NCAPD2: variants seen among roughly 807,000 people sequenced by gnomAD.
NCAPD2 encodes non-SMC condensin I complex subunit D2.
Under a neutral mutation model 164.5 loss-of-function variants are expected in NCAPD2, and 100 were observed. The observed-to-expected ratio is 0.61, with a 90% confidence interval of 0.52 to 0.72. The LOEUF (loss-of-function observed/expected upper bound fraction) is 0.72, where lower values mean the gene tolerates loss of function less well. Ranked by LOEUF, NCAPD2 falls within the 30% of genes least tolerant of loss-of-function variation. NCAPD2 has a pLI of 0.00. For missense variants in NCAPD2, 1,560 were observed against 1,749.2 expected, an observed-to-expected ratio of 0.89 and a Z score of 1.93; for synonymous variants, 585 against 642.6, an observed-to-expected ratio of 0.91 and a Z score of 1.36.
In NCAPD2 at chr12:6,528,705, G is replaced by A. The variant is rs377720436; in HGVS notation, c.3326G>A (p.Arg1109Gln). 8 of 1,613,294 alleles carry A rather than the reference G, an allele frequency of 5.0e-6. No individual in the cohort carries two copies. Among genetic ancestry groups the A allele is most frequent in the African/African-American group, 2.7e-5 (2 of 74,888 alleles). The change falls in exon 26 of 32, where the codon CGG becomes CAG. Residue 1109 changes from arginine (R) to glutamine (Q), a missense_variant. Transcript: ENST00000315579. This position sits in a 1 kb window ranked among gnomAD's most constrained non-coding sequence, Gnocchi z 5.1. Reference protein sequence around the residue: ...ARLRDPAQQVRKTAGLVMTHL... With the variant: ...ARLRDPAQQVQKTAGLVMTHL... ...CTCCGGGACCCTGCTCAGCAAGTGCGGAAAACAGCGGGGCTGGTGATGACC... is the reference window on the plus strand; with the variant it reads ...CTCCGGGACCCTGCTCAGCAAGTGCAGAAAACAGCGGGGCTGGTGATGACC...
intron 13 of NCAPD2, among the ~76,000 whole-genome samples, chr12:6,518,509 T>TTTTTTTTG (rs1946229286): frequency 8.4e-5 from 8 of 95,644 alleles, no homozygotes; most frequent in African/African-American, 3.7e-4. Flanking sequence ...AACAAGTTTT[T>TTTTTTTTG]TTTTTTTTTT....
At chr12:6,498,048 T>C (rs1177349318) in intron 2 of NCAPD2, among the ~76,000 whole-genome samples, 1 of 152,090 alleles carries the variant, frequency 6.6e-6, no homozygotes, top group Non-Finnish European at 1.5e-5. Context: ...TAGCTGGGAC[T>C]ACAGGCATGT....
At chr12:6,517,069 A>ATG in intron 10 of NCAPD2, 44 bp downstream of exon 10, 1 of 1,591,350 alleles carries the variant, frequency 6.3e-7, no homozygotes, top group Non-Finnish European at 8.6e-7. Context: ...ACCTCTCCAT[A>ATG]TACCAGTGTA....
chr12:6,531,852 T>C lies in NCAPD2; in HGVS notation c.*440T>C, dbSNP rs1230038137. ...ACGCTCTTTAAAATGCAAGGCTTTCTCTTAAATTAGCCTAACTGAACTGCG... is the reference window on the plus strand; with the variant it reads ...ACGCTCTTTAAAATGCAAGGCTTTCCCTTAAATTAGCCTAACTGAACTGCG... On this transcript the variant is annotated 3_prime_UTR_variant, in exon 32 of 32. Coordinates refer to ENST00000315579, the MANE Select transcript of NCAPD2 (RefSeq NM_014865.4). The surrounding 1 kb of genome is among the most constrained non-coding windows in gnomAD (Gnocchi z 4.1). 1 of 204,452 alleles carries C rather than the reference T, an allele frequency of 4.9e-6. No individual in the cohort carries two copies. The highest frequency in any genetic ancestry group is 1.0e-5 in the Non-Finnish European group (1 of 98,240). 12.7% of individuals were successfully genotyped at this position (204,452 alleles called of 1,614,324 possible). A position where few individuals can be genotyped will look rare whatever the true frequency, so the allele number is the denominator to read the frequency against.
At chr12:6,506,299 T>C (rs1265271493) in intron 2 of NCAPD2, among the ~76,000 whole-genome samples, 1 of 151,958 alleles carries the variant, frequency 6.6e-6, no homozygotes, top group Middle Eastern at 3.2e-3. Context: ...AATAGACATA[T>C]ATATTTGGCC....
At chr12:6,516,701 G>A in intron 9 of NCAPD2, 127 bp from the exon 10 acceptor site, 2 of 896,696 alleles carry the variant, frequency 2.2e-6, no homozygotes, top group Non-Finnish European at 3.4e-6. Context: ...AGTCCTCTTT[G>A]GGATTCAGCT....
rs147017010 is a variant in NCAPD2, at chr12:6,507,330, T to C, written c.128-2387T>C. 5.1e-4 allele frequency among the ~76,000 whole-genome samples: 77 copies of C among 152,306 alleles called. 1 individual carries two copies. The highest frequency in any genetic ancestry group is 1.8e-3 in the African/African-American group (74 of 41,550). ...AAGGGAGGCTGGGTGCAGTGGCCCA[T>C]GCCTTTAATCCGAGTACTTTGGGAG... On this transcript the variant is annotated intron_variant, in intron 2 of 31. Coordinates refer to ENST00000315579, the MANE Select transcript of NCAPD2 (RefSeq NM_014865.4).
chr12:6,531,576 C>T lies in NCAPD2; in HGVS notation c.*164C>T, dbSNP rs1434736534. On this transcript the variant is annotated 3_prime_UTR_variant, in exon 32 of 32. Coordinates refer to ENST00000315579, the MANE Select transcript of NCAPD2 (RefSeq NM_014865.4). This position sits in a 1 kb window ranked among gnomAD's most constrained non-coding sequence, Gnocchi z 4.1. ...ATCCCAGCACTTTGCGATACCAAGG[C>T]GGGTGGATAACCTGAGGTAGGGAGT... 2.6e-5 allele frequency: 37 copies of T among 1,419,832 alleles called. No homozygotes were observed. Among genetic ancestry groups the T allele is most frequent in the East Asian group, 5.1e-5 (2 of 38,996 alleles). 88.0% of individuals were successfully genotyped at this position (1,419,832 alleles called of 1,614,324 possible). A position where few individuals can be genotyped will look rare whatever the true frequency, so the allele number is the denominator to read the frequency against.
intron 2 of NCAPD2, among the ~76,000 whole-genome samples, chr12:6,499,555 T>A (rs1211685275): frequency 1.3e-5 from 2 of 148,838 alleles, no homozygotes; most frequent in African/African-American, 5.2e-5. Flanking sequence ...ATCCAGCTAA[T>A]TTTTTTTGTA....
intron 2 of NCAPD2, among the ~76,000 whole-genome samples, chr12:6,503,500 G>A (rs904892338): frequency 7.9e-5 from 12 of 152,118 alleles, no homozygotes; most frequent in Non-Finnish European, 1.6e-4. Context: ...GGTTGGGCAC[G>A]GTGGCTCACA....
chr12:6,513,820 A>G (rs1946174366), intron 6 of NCAPD2, among the ~76,000 whole-genome samples: 1 of 145,974 alleles, frequency 6.9e-6, no homozygotes, highest in Admixed American at 7.2e-5. Flanking sequence ...GGTTCAAGGG[A>G]TTCTCCTGCC....
rs767298691 is a variant in NCAPD2, at chr12:6,526,112, G to A, written c.2393G>A (p.Ser798Asn). ...GGAAGCAATTTAGACACACTGGTGA[G>A]CATAGGGCTGGATGAGAAGTTTCCA... is the stretch of plus-strand genomic sequence containing the variant. ...IVGSNLDTLV[S>N]IGLDEKFPQD... The change falls in exon 19 of 32, where the codon AGC becomes AAC. Residue 798 changes from serine to asparagine, a missense_variant. Ser to Asn is a conservative substitution (Grantham distance 46). Transcript: ENST00000315579. The A allele has an allele frequency of 1.2e-6, 2 of 1,614,032 alleles. No individual in the cohort carries two copies. The highest frequency in any genetic ancestry group is 1.7e-5 in the Admixed American group (1 of 60,004).
intron 10 of NCAPD2, 96 bp downstream of exon 10, chr12:6,517,121 G>A (rs1946209708): frequency 7.1e-7 from 1 of 1,415,702 alleles, no homozygotes; most frequent in Non-Finnish European, 9.8e-7. Context: ...GCCCCAAAGA[G>A]GTCTAGAATT....
Position 6,517,955 on chromosome 12 carries a change from T to C in NCAPD2, c.1585T>C (p.Tyr529His). ...CTATCAACTGCTTGCCAAAGCTAGT[T>C]ACAAGTAGGCAAAAGAATGGGATAT... ...RIYQLLAKASYKKAIILTREA... is the reference protein window; with the variant it reads ...RIYQLLAKASHKKAIILTREA... The change falls in exon 13 of 32, where the codon TAC (tyrosine) becomes CAC (histidine). Residue 529 changes from tyrosine to histidine, a missense_variant. Coordinates refer to ENST00000315579, the MANE Select transcript of NCAPD2 (RefSeq NM_014865.4). 6.2e-7 allele frequency: 1 copy of C among 1,613,464 alleles called. No individual in the cohort carries two copies. The highest frequency in any genetic ancestry group is 8.5e-7 in the Non-Finnish European group (1 of 1,179,896).
At chr12:6,520,591 A>G (rs1946255044) in intron 13 of NCAPD2, among the ~76,000 whole-genome samples, 1 of 152,234 alleles carries the variant, frequency 6.6e-6, no homozygotes, top group South Asian at 2.1e-4. Context: ...TTTTATGACT[A>G]CATAGAATCT....
chr12:6,504,039 C>T (rs529854004), intron 2 of NCAPD2, among the ~76,000 whole-genome samples: 2 of 151,708 alleles, frequency 1.3e-5, no homozygotes, highest in Non-Finnish European at 2.9e-5. Flanking sequence ...TCCCATTAGA[C>T]TCCACCTTCC....
At chr12:6,515,895 G>C (rs1946193795) in intron 9 of NCAPD2, among the ~76,000 whole-genome samples, 1 of 151,980 alleles carries the variant, frequency 6.6e-6, no homozygotes, top group Admixed American at 6.6e-5. Flanking sequence ...TATTAGTAAG[G>C]ATTAAAGACT....
intron 2 of NCAPD2, among the ~76,000 whole-genome samples, chr12:6,503,317 G>GC (rs1209940917): frequency 0.011 from 3 of 266 alleles, no homozygotes; most frequent in Non-Finnish European, 0.027. Flanking sequence ...TATTTATAAT[G>GC]AAAGAAATTT....
intron 13 of NCAPD2, 63 bp downstream of exon 13, chr12:6,518,022 C>T: frequency 6.7e-7 from 1 of 1,501,982 alleles, no homozygotes; most frequent in Non-Finnish European, 9.1e-7. Flanking sequence ...CTTTGAGAAA[C>T]TTACATAATG....
Sources: gnomAD v4.1 joint callset for allele counts (sites outside exome capture counted in the v4.1 genomes callset) on GRCh38, gnomAD v4.1.1 for gene constraint, Gnocchi (gnomAD v3.1) non-coding constraint, MANE v1.5 for transcripts, NCBI Gene and HGNC (gene_info 2026-07-23, HGNC 2026-07-21) for gene names.